Variants in CDK14 observed in about 807,000 individuals in gnomAD.
CDK14 encodes the protein cyclin dependent kinase 14, also known as cyclin-dependent kinase 14.
Under a neutral mutation model 60.7 loss-of-function variants are expected in CDK14, and 34 were observed. That is an observed-to-expected ratio of 0.56 (90% confidence interval 0.43 to 0.75). CDK14 has a LOEUF of 0.75. Among genes scored for constraint, CDK14 ranks in the 30% least tolerant of loss-of-function variants. CDK14 has a pLI of 0.00. For missense variants in CDK14, 482 were observed against 564.1 expected, an observed-to-expected ratio of 0.85 and a Z score of 1.47; for synonymous variants, 197 against 203.7, an observed-to-expected ratio of 0.97 and a Z score of 0.28.
At chr7:90,839,469 A>C (rs908652265) in intron 5 of CDK14, among the ~76,000 whole-genome samples, 1 of 152,186 alleles carries the variant, frequency 6.6e-6, no homozygotes, top group Non-Finnish European at 1.5e-5. Context: ...GGTTGTATAC[A>C]GGGAAGCCCA....
At position 90,822,798 on chromosome 7, in the gene CDK14, T is replaced by C. The variant is rs182018986; in HGVS notation, c.544+32146T>C. Among the ~76,000 whole-genome samples the C allele has an allele frequency of 3.3e-5, 5 of 152,322 alleles. No homozygotes were observed. In the East Asian group the frequency reaches 9.6e-4, roughly 29 times the overall value. ...TAATATCTGGTGTTGTAATCAGTAT[T>C]GTAGTAACTCGTGGAAGGGGCAGTC... On this transcript the variant is annotated intron_variant, in intron 5 of 14. Transcript: ENST00000380050.
chr7:90,624,081 G>C (rs533321123), intron 2 of CDK14, among the ~76,000 whole-genome samples: 10 of 152,312 alleles, frequency 6.6e-5, no homozygotes, highest in Admixed American at 6.5e-4. Flanking sequence ...CTGTGAAGGA[G>C]TGGACATGTA....
intron 8 of CDK14, among the ~76,000 whole-genome samples, chr7:90,942,835 A>G (rs1793975194): frequency 6.6e-6 from 1 of 152,154 alleles, no homozygotes; most frequent in Non-Finnish European, 1.5e-5. Flanking sequence ...CTTGCTTTAT[A>G]TTTATATAAC....
At chr7:91,048,969 G>A (rs529895113) in intron 11 of CDK14, among the ~76,000 whole-genome samples, 3 of 152,202 alleles carry the variant, frequency 2.0e-5, no homozygotes, top group South Asian at 2.1e-4. Flanking sequence ...CGACCTTCCA[G>A]GTTCAAGTGA....
chr7:90,710,218 G>A lies in CDK14; in HGVS notation c.124-16349G>A, dbSNP rs991124023. 15 of 985,172 alleles carry A rather than the reference G, an allele frequency of 1.5e-5. No individual in the cohort carries two copies. In the Admixed American group the frequency reaches 3.7e-4, roughly 24 times the overall value. The allele number at this position is 985,172 out of a possible 1,614,324, so 61.0% of individuals were successfully genotyped here. The stretch of plus-strand genomic sequence containing the variant: ...TGCTTGTAGTTTGTAAACACCAGTA[G>A]CAGTGATAAGATGGGGAAAAGGTTT... On this transcript the variant is annotated intron_variant, in intron 2 of 14. Transcript: ENST00000380050.
At chr7:90,615,565 A>G (rs1442482453) in intron 2 of CDK14, among the ~76,000 whole-genome samples, 2 of 152,120 alleles carry the variant, frequency 1.3e-5, no homozygotes, top group Non-Finnish European at 2.9e-5. Context: ...TCAGTCTTTC[A>G]ATTATGTTTT....
intron 2 of CDK14, among the ~76,000 whole-genome samples, chr7:90,712,465 A>G (rs934444463): frequency 6.6e-6 from 1 of 152,036 alleles, no homozygotes; most frequent in South Asian, 2.1e-4. Context: ...TGTATCATGT[A>G]TCAGAATTTC....
At chr7:91,118,700 T>C (rs1584087547) in intron 14 of CDK14, among the ~76,000 whole-genome samples, 1 of 152,360 alleles carries the variant, frequency 6.6e-6, no homozygotes, top group African/African-American at 2.4e-5. Flanking sequence ...ACTGAATCAT[T>C]GCTGCCTCCT....
chr7:91,072,189 C>T (rs922403510), intron 11 of CDK14, among the ~76,000 whole-genome samples: 1 of 152,142 alleles, frequency 6.6e-6, no homozygotes, highest in African/African-American at 2.4e-5. Flanking sequence ...TTAAATGGGT[C>T]CTGCTCCCCG....
At chr7:90,871,967 C>T (rs1172852923) in intron 6 of CDK14, among the ~76,000 whole-genome samples, 1 of 152,190 alleles carries the variant, frequency 6.6e-6, no homozygotes, top group Non-Finnish European at 1.5e-5. Flanking sequence ...AGAAACACAG[C>T]TCATTATGGT....
chr7:91,196,491 G>A (rs890513227), intron 14 of CDK14, among the ~76,000 whole-genome samples: 1 of 152,226 alleles, frequency 6.6e-6, no homozygotes, highest in Non-Finnish European at 1.5e-5. Flanking sequence ...AATTGATGCT[G>A]TTGCTCCTTC....
At position 91,059,059 on chromosome 7, in the gene CDK14, T is replaced by C. The variant is rs537220809; in HGVS notation, c.1105+13099T>C. Reference sequence around the variant, plus strand: ...TGGACTTGTTTTGGTTGGTAAGCTATTAATTATTACTTCAATTTCAGAGCC... The same window carrying C: ...TGGACTTGTTTTGGTTGGTAAGCTACTAATTATTACTTCAATTTCAGAGCC... On this transcript the variant is annotated intron_variant, in intron 11 of 14. Coordinates refer to ENST00000380050, the MANE Select transcript of CDK14 (RefSeq NM_001287135.2). Among the ~76,000 whole-genome samples, 7 of 152,330 alleles carry C rather than the reference T, an allele frequency of 4.6e-5. No individual in the cohort carries two copies. In the East Asian group the frequency reaches 1.3e-3, roughly 29 times the overall value.
chr7:90,606,361 T>G (rs377146452), intron 2 of CDK14, among the ~76,000 whole-genome samples: 1 of 152,328 alleles, frequency 6.6e-6, no homozygotes, highest in East Asian at 1.9e-4. Flanking sequence ...TATCTTTCCT[T>G]TAAGGGTTAA....
intron 2 of CDK14, among the ~76,000 whole-genome samples, chr7:90,717,238 CAA>C (rs1044266126): frequency 1.3e-5 from 2 of 152,004 alleles, no homozygotes; most frequent in Non-Finnish European, 2.9e-5. Context: ...AGCCTATAAA[CAA>C]AACTGTATCT....
At chr7:90,941,848 G>T (rs1447750298) in intron 8 of CDK14, among the ~76,000 whole-genome samples, 1 of 152,058 alleles carries the variant, frequency 6.6e-6, no homozygotes, top group African/African-American at 2.4e-5. Flanking sequence ...TCCTTTTCAT[G>T]CCACCATACA....
At chr7:90,787,395 G>C (rs892154982) in intron 4 of CDK14, among the ~76,000 whole-genome samples, 2 of 152,086 alleles carry the variant, frequency 1.3e-5, no homozygotes, top group African/African-American at 4.8e-5. Flanking sequence ...TAAACATAAA[G>C]AGACCACACC....
intron 6 of CDK14, among the ~76,000 whole-genome samples, chr7:90,874,345 T>C (rs1791477336): frequency 6.6e-6 from 1 of 152,120 alleles, no homozygotes; most frequent in Admixed American, 6.6e-5. Flanking sequence ...CGAATTTCAG[T>C]AAGATTGCTC....
chr7:90,781,208 T>A (rs1027626901), intron 4 of CDK14, among the ~76,000 whole-genome samples: 2 of 152,250 alleles, frequency 1.3e-5, no homozygotes, highest in African/African-American at 4.8e-5. Context: ...GCTGCATAAA[T>A]GTCTTCTTTT....
chr7:90,739,940 A>G (rs1052173806), intron 3 of CDK14, among the ~76,000 whole-genome samples: 3 of 152,164 alleles, frequency 2.0e-5, no homozygotes, highest in Non-Finnish European at 4.4e-5. Flanking sequence ...GCATGAGAAC[A>G]TAACCCACAC....
Sources: gnomAD v4.1 joint callset for allele counts (sites outside exome capture counted in the v4.1 genomes callset) on GRCh38, gnomAD v4.1.1 for gene constraint, MANE v1.5 for transcripts, NCBI Gene and HGNC (gene_info 2026-07-23, HGNC 2026-07-21) for gene names.